AHRR: variants seen among roughly 807,000 people sequenced by gnomAD.
AHRR encodes the protein ahR repressor.
A neutral mutation model predicts 44.0 loss-of-function variants in AHRR; 28 were observed. That is an observed-to-expected ratio of 0.64 (90% CI 0.47 to 0.87). The LOEUF is 0.87. Ranked by LOEUF, AHRR falls within the 40% of genes least tolerant of loss-of-function variation. AHRR has a pLI of 0.00. For synonymous variants in AHRR, 434 were observed against 407.0 expected, an observed-to-expected ratio of 1.07 and a Z score of -0.80; for missense variants, 990 against 953.9, an observed-to-expected ratio of 1.04 and a Z score of -0.50.
chr5:423,220 T>A (rs1413426240), intron 6 of AHRR, among the ~76,000 whole-genome samples: 1 of 152,238 alleles, frequency 6.6e-6, no homozygotes. Context: ...GTTTGCTTCA[T>A]ACTAGAGTTA....
chr5:400,321 G>T (rs540178494), intron 4 of AHRR, among the ~76,000 whole-genome samples: 1 of 152,282 alleles, frequency 6.6e-6, no homozygotes, highest in African/African-American at 2.4e-5. Context: ...TTCTCAGAAC[G>T]TTTGCCCCAT....
At chr5:422,636 G>A in intron 5 of AHRR, 93 bp from the exon 6 acceptor site, 1 of 1,554,932 alleles carries the variant, frequency 6.4e-7, no homozygotes, top group Non-Finnish European at 8.9e-7. Context: ...GCTTTGACAA[G>A]TGGAGTGGAA....
Position 427,800 on chromosome 5 carries a change from AC to A in AHRR, c.709-6del. On this transcript the variant is annotated splice_polypyrimidine_tract_variant and splice_region_variant and intron_variant, in intron 7 of 10. Coordinates refer to ENST00000684583, the MANE Select transcript of AHRR (RefSeq NM_001377236.1). ...ACACGCCTTCCTCTCTGTCTTTAAA[AC>A]ACCAGACGATGCAGTTTCAAGGAAA... The A allele has an allele frequency of 6.2e-7, 1 of 1,614,024 alleles. No individual in the cohort carries two copies. The highest frequency in any genetic ancestry group is 8.5e-7 in the Non-Finnish European group (1 of 1,179,898).
chr5:329,221 G>A (rs1377975724), intron 1 of AHRR, among the ~76,000 whole-genome samples: 5 of 150,890 alleles, frequency 3.3e-5, no homozygotes, highest in South Asian at 4.2e-4. Context: ...TTTTTGCTTC[G>A]AGATGGGATC....
At chr5:322,289 C>G (rs1465645559) in intron 1 of AHRR, among the ~76,000 whole-genome samples, 10 of 152,178 alleles carry the variant, frequency 6.6e-5, no homozygotes, top group African/African-American at 2.4e-4. Context: ...ATTCCCAGAC[C>G]GGATGCCCTG....
Position 432,837 on chromosome 5 carries a change from G to A in AHRR, c.1002G>A (p.Val334=). Residue 334 remains valine, a synonymous_variant, in exon 10 of 11, where the codon GTG becomes GTA. Coordinates refer to ENST00000684583, the MANE Select transcript of AHRR (RefSeq NM_001377236.1). ...GCAGCAGAGAGAGCGGCGTTTTGGT[G>A]CTCAGGGAACAGACTGACGCTGGCC... The part of the protein sequence containing the change: ...GRSSRESGVL[V]LREQTDAGRW... 1 of 1,613,858 alleles carries A rather than the reference G, an allele frequency of 6.2e-7. No homozygotes were observed. The highest frequency in any genetic ancestry group is 8.5e-7 in the Non-Finnish European group (1 of 1,180,036).
chr5:353,968 G>A, intron 3 of AHRR, 57 bp downstream of exon 3: 1 of 1,535,336 alleles, frequency 6.5e-7, no homozygotes, highest in Non-Finnish European at 8.9e-7. Context: ...TCTCCCCTGA[G>A]TCCATCTGGG....
At chr5:403,138 C>T (rs919852039) in intron 4 of AHRR, among the ~76,000 whole-genome samples, 10 of 152,270 alleles carry the variant, frequency 6.6e-5, no homozygotes, top group South Asian at 2.1e-4. Flanking sequence ...CTGCTTGATT[C>T]GCTCAGATGA....
chr5:376,822 A>G (rs1393025704), intron 4 of AHRR, 106 bp downstream of exon 4: 1 of 991,690 alleles, frequency 1.0e-6, no homozygotes. Context: ...GCCCTCACCC[A>G]GGAGGCCCTT....
chr5:425,661 A>C (rs1462481509), intron 7 of AHRR, among the ~76,000 whole-genome samples: 3 of 152,220 alleles, frequency 2.0e-5, no homozygotes, highest in African/African-American at 7.2e-5. Context: ...AATTGGAAGG[A>C]TTTTACTGTG....
At chr5:343,989 T>G in intron 2 of AHRR, 25 bp downstream of exon 2, 1 of 1,587,538 alleles carries the variant, frequency 6.3e-7, no homozygotes, top group East Asian at 2.4e-5. Flanking sequence ...CTTCTGCTTG[T>G]GTGGGTTGTT....
chr5:415,628 GCC>G (rs1735749837), intron 5 of AHRR, among the ~76,000 whole-genome samples: 1 of 145,594 alleles, frequency 6.9e-6, no homozygotes, highest in African/African-American at 2.6e-5. Flanking sequence ...AGGCCTAGGG[GCC>G]GAATCTGCCT....
At chr5:364,208 A>G (rs984787673) in intron 3 of AHRR, among the ~76,000 whole-genome samples, 1 of 152,228 alleles carries the variant, frequency 6.6e-6, no homozygotes, top group African/African-American at 2.4e-5. Flanking sequence ...GAAGCTGAGA[A>G]CCCAGAGATA....
intron 7 of AHRR, chr5:427,533 C>A: frequency 1.4e-6 from 2 of 1,382,644 alleles, no homozygotes; most frequent in Non-Finnish European, 2.0e-6. Flanking sequence ...TGAACAGGCA[C>A]ACACGCGGGA....
intron 1 of AHRR, among the ~76,000 whole-genome samples, chr5:334,504 G>T (rs1199219109): frequency 6.6e-6 from 1 of 151,600 alleles, no homozygotes; most frequent in Non-Finnish European, 1.5e-5. Flanking sequence ...CTAGTCTATT[G>T]TTGGAGCTTT....
rs74437438 is a variant in AHRR, at chr5:404,745, C to G, written c.352-8599C>G. 4.7e-3 allele frequency among the ~76,000 whole-genome samples: 718 copies of G among 152,292 alleles called. 19 individuals are homozygous for G. The highest frequency in any genetic ancestry group is 0.034 in the Admixed American group (526 of 15,296). On this transcript the variant is annotated intron_variant, in intron 4 of 10. Transcript: ENST00000684583. The surrounding 1 kb of genome is among the most constrained non-coding windows in gnomAD (Gnocchi z 4.1). ...AAGAATCCTCCAAGAAAGATTTCTT[C>G]CAGCTGGTGGGAGGCTGGATGAGAA...
chr5:399,422 A>C (rs1734914682), intron 4 of AHRR, among the ~76,000 whole-genome samples: 1 of 152,220 alleles, frequency 6.6e-6, no homozygotes. Context: ...TGGTTTTAAA[A>C]GCATAAGTTT....
At position 370,518 on chromosome 5, in the gene AHRR, A is replaced by G. The variant is rs1383789392; in HGVS notation, c.245-6092A>G. On this transcript the variant is annotated intron_variant, in intron 3 of 10. Coordinates refer to ENST00000684583, the MANE Select transcript of AHRR (RefSeq NM_001377236.1). This position sits in a 1 kb window ranked among gnomAD's most constrained non-coding sequence, Gnocchi z 4.5. ...TTCAAGGGAAATTTTCACCAAGGTC[A>G]TCCGCCACCCCCAGGACCCTGAGAG... 6.6e-6 allele frequency among the ~76,000 whole-genome samples: 1 copy of G among 152,166 alleles called. No individual in the cohort carries two copies. Among genetic ancestry groups the G allele is most frequent in the East Asian group, 1.9e-4 (1 of 5,176 alleles).
chr5:421,295 C>G (rs760356484), intron 5 of AHRR: 1 of 697,348 alleles, frequency 1.4e-6, no homozygotes. Flanking sequence ...GAGGCTGTTG[C>G]GCTGCAGGTG....
Sources: gnomAD v4.1 joint callset for allele counts (sites outside exome capture counted in the v4.1 genomes callset) on GRCh38, gnomAD v4.1.1 for gene constraint, Gnocchi (gnomAD v3.1) non-coding constraint, MANE v1.5 for transcripts, NCBI Gene and HGNC (gene_info 2026-07-23, HGNC 2026-07-21) for gene names.